Variants in TRHDE observed in about 807,000 individuals in gnomAD.
TRHDE encodes the protein thyrotropin releasing hormone degrading enzyme.
TRHDE carries 72 observed loss-of-function variants against 125.7 expected under a neutral mutation model. That is an observed-to-expected ratio of 0.57 (90% confidence interval 0.47 to 0.70). The LOEUF is 0.70. TRHDE is among the 30% of genes least tolerant of loss of function. TRHDE has a pLI of 0.00. For missense variants in TRHDE, 1,110 were observed against 1,327.1 expected (o/e 0.84, Z 2.54); for synonymous variants, 509 against 509.1 (o/e 1.00, Z 0.00).
chr12:72,372,883 G>C (rs1422133039), intron 2 of TRHDE, among the ~76,000 whole-genome samples: 2 of 152,220 alleles, frequency 1.3e-5, no homozygotes, highest in East Asian at 3.9e-4. Context: ...GCTCTTTTTT[G>C]GTTCCCTATG....
intron 2 of TRHDE, among the ~76,000 whole-genome samples, chr12:72,208,203 C>T (rs1331027607): frequency 2.0e-5 from 3 of 152,286 alleles, no homozygotes; most frequent in East Asian, 3.9e-4. Flanking sequence ...CACACTCACA[C>T]ACACATTCAC....
chr12:72,469,018 A>C (rs1339935303), intron 3 of TRHDE, among the ~76,000 whole-genome samples: 1 of 152,220 alleles, frequency 6.6e-6, no homozygotes, highest in Non-Finnish European at 1.5e-5. Flanking sequence ...AAATAAGCAC[A>C]GATCTTAGAG....
In TRHDE at chr12:72,508,802, A is replaced by G. The variant is rs940764889; in HGVS notation, c.1722+9167A>G. On this transcript the variant is annotated intron_variant, in intron 6 of 18. Transcript: ENST00000261180. ...GGGCCTGGTGGAAGGTGATTGAATC[A>G]TGGGGGTGGATTTCCCCCTTGCTGT... Among the ~76,000 whole-genome samples, 25 of 152,138 alleles carry G rather than the reference A, an allele frequency of 1.6e-4. 1 individual carries two copies. The highest frequency in any genetic ancestry group is 9.8e-4 in the Admixed American group (15 of 15,268).
intron 2 of TRHDE, among the ~76,000 whole-genome samples, chr12:72,223,942 G>T (rs1354038551): frequency 2.6e-5 from 4 of 151,378 alleles, no homozygotes; most frequent in African/African-American, 7.3e-5. Flanking sequence ...TTTTTTCTGG[G>T]CTACTCTATC....
chr12:72,314,267 T>C (rs369405244), intron 2 of TRHDE, among the ~76,000 whole-genome samples: 1 of 145,502 alleles, frequency 6.9e-6, no homozygotes, highest in Non-Finnish European at 1.5e-5. Flanking sequence ...TTTTTTTTCC[T>C]CTCTCTTTCT....
rs35448406 is a variant in TRHDE at position 72,272,719 on chromosome 12, A to AAGGAGGAGG, written c.92_100dup (p.Glu31_Glu33dup). On this transcript the variant is annotated inframe_insertion, in exon 1 of 19. Coordinates refer to ENST00000261180, the MANE Select transcript of TRHDE (RefSeq NM_013381.3). The surrounding 1 kb of genome is among the most constrained non-coding windows in gnomAD (Gnocchi z 6.7). ...GAAGAAAAAGAAGAGGAAGAAGAAG[A>AAGGAGGAGG]AGGAGGAGGAGGAGGAGGAGGAGGG... The AAGGAGGAGG allele has an allele frequency of 2.1e-4, 208 of 1,000,862 alleles. No homozygotes were observed. The highest frequency in any genetic ancestry group is 1.0e-3 in the East Asian group (32 of 30,796). 62.0% of individuals were successfully genotyped at this position (1,000,862 alleles called of 1,614,324 possible).
chr12:72,581,040 A>G (rs1279399705), intron 12 of TRHDE, among the ~76,000 whole-genome samples: 5 of 152,192 alleles, frequency 3.3e-5, no homozygotes, highest in Non-Finnish European at 5.9e-5. Flanking sequence ...CTTAAAAGTA[A>G]GAGAATGAAA....
At chr12:72,101,572 C>T in intron 1 of TRHDE, among the ~76,000 whole-genome samples, 1 of 152,196 alleles carries the variant, frequency 6.6e-6, no homozygotes, top group East Asian at 1.9e-4. Context: ...GCTATGAATG[C>T]TGTATCTTTC....
chr12:72,458,578 C>T (rs946190497), intron 3 of TRHDE, among the ~76,000 whole-genome samples: 2 of 152,118 alleles, frequency 1.3e-5, no homozygotes, highest in Non-Finnish European at 2.9e-5. Context: ...CCCAGCCTCT[C>T]CCCAATGCAT....
intron 2 of TRHDE, among the ~76,000 whole-genome samples, chr12:72,267,335 T>C (rs1193879950): frequency 6.6e-6 from 1 of 152,078 alleles, no homozygotes; most frequent in Non-Finnish European, 1.5e-5. Flanking sequence ...CAAATAAAGA[T>C]ATAACTTTCT....
chr12:72,517,545 A>G (rs1212611130), intron 6 of TRHDE, among the ~76,000 whole-genome samples: 1 of 150,408 alleles, frequency 6.6e-6, no homozygotes, highest in Non-Finnish European at 1.5e-5. Flanking sequence ...TTTTTTCTTT[A>G]TTAGTCTTGC....
chr12:72,119,856 TG>T (rs1875534031), intron 2 of TRHDE, among the ~76,000 whole-genome samples: 2 of 152,204 alleles, frequency 1.3e-5, no homozygotes, highest in African/African-American at 2.4e-5. Flanking sequence ...TACTCCTTTT[TG>T]GTTTCCATTG....
chr12:72,623,088 A>AT (rs375309999), intron 15 of TRHDE, among the ~76,000 whole-genome samples: 1 of 151,978 alleles, frequency 6.6e-6, no homozygotes, highest in African/African-American at 2.4e-5. Context: ...CTTTTTTGCT[A>AT]TTTTTACCAC....
rs745351981 is a variant in TRHDE, at chr12:72,568,637, T to G, written c.2112T>G (p.Ile704Met). Residue 704 changes from isoleucine to methionine, a missense_variant, in exon 10 of 19, where the codon ATT becomes ATG. By Grantham distance (10) the Ile-to-Met change is conservative. Transcript: ENST00000261180. Reference sequence around the variant, plus strand: ...GCCATGTGTCTTCAGAAGCAATTATTTGGGTGTCTAACAAATCAGGTAAAC... The same window carrying G: ...GCCATGTGTCTTCAGAAGCAATTATGTGGGTGTCTAACAAATCAGGTAAAC... ...NRSHVSSEAI[I>M]WVSNKSEHHR... 1.2e-6 allele frequency: 2 copies of G among 1,610,896 alleles called. No individual in the cohort carries two copies. The highest frequency in any genetic ancestry group is 2.2e-5 in the South Asian group (2 of 90,776).
intron 15 of TRHDE, among the ~76,000 whole-genome samples, chr12:72,643,875 A>G (rs936366865): frequency 6.6e-6 from 1 of 152,316 alleles, no homozygotes; most frequent in Middle Eastern, 3.4e-3. Context: ...TTTTAAAAAA[A>G]GTAATTAAAA....
chr12:72,396,260 G>T (rs1420367511), intron 3 of TRHDE, among the ~76,000 whole-genome samples: 2 of 152,062 alleles, frequency 1.3e-5, no homozygotes, highest in African/African-American at 2.4e-5. Context: ...CTCTGTTACT[G>T]TTAATAGCAT....
intron 1 of TRHDE, among the ~76,000 whole-genome samples, chr12:72,275,378 G>C (rs930054671): frequency 6.6e-6 from 1 of 152,178 alleles, no homozygotes; most frequent in Non-Finnish European, 1.5e-5. Flanking sequence ...TCCTATAAGT[G>C]AATGTATAAA....
At chr12:72,346,602 T>C (rs574738048) in intron 2 of TRHDE, among the ~76,000 whole-genome samples, 1 of 152,188 alleles carries the variant, frequency 6.6e-6, no homozygotes, top group African/African-American at 2.4e-5. Context: ...TGTACTACTG[T>C]GCTAGCATGT....
At chr12:72,153,690 G>A (rs566260256) in intron 2 of TRHDE, among the ~76,000 whole-genome samples, 3,776 of 150,602 alleles carry the variant, frequency 0.025, 90 homozygotes, top group African/African-American at 0.057. Context: ...TTCAGTTTCC[G>A]TGTAGTTGAG....
Sources: gnomAD v4.1 joint callset for allele counts (sites outside exome capture counted in the v4.1 genomes callset) on GRCh38, gnomAD v4.1.1 for gene constraint, Gnocchi (gnomAD v3.1) non-coding constraint, MANE v1.5 for transcripts, NCBI Gene and HGNC (gene_info 2026-07-23, HGNC 2026-07-21) for gene names.